Variants in PHLDB2 observed in about 807,000 individuals in gnomAD.
The protein encoded by PHLDB2 is pleckstrin homology-like domain family B member 2.
In PHLDB2, 71 loss-of-function variants were observed where a neutral mutation model predicts 123.6. The observed-to-expected ratio is 0.57, with a 90% confidence interval of 0.47 to 0.70. The LOEUF (loss-of-function observed/expected upper bound fraction) is 0.70, where lower values mean the gene tolerates loss of function less well. Among genes scored for constraint, PHLDB2 ranks in the 30% least tolerant of loss-of-function variants. The pLI is 0.00. For synonymous variants in PHLDB2, 547 were observed against 541.6 expected, an observed-to-expected ratio of 1.01 and a Z score of -0.14; for missense variants, 1,446 against 1,519.5, an observed-to-expected ratio of 0.95 and a Z score of 0.80.
intron 1 of PHLDB2, among the ~76,000 whole-genome samples, chr3:111,782,151 G>A (rs6778818): frequency 0.27 from 40,685 of 151,958 alleles, 6,898 homozygotes; most frequent in African/African-American, 0.48. Flanking sequence ...TTCATTATTT[G>A]CATCCAAATG....
chr3:111,869,464 G>GA (rs368724303), intron 1 of PHLDB2, among the ~76,000 whole-genome samples: 489 of 5,496 alleles, frequency 0.089, 6 homozygotes, highest in Admixed American at 0.13. Flanking sequence ...TCAAAAAAAA[G>GA]AAAAAAAAAA....
At chr3:111,871,526 T>C (rs1393614567) in intron 1 of PHLDB2, among the ~76,000 whole-genome samples, 2 of 150,668 alleles carry the variant, frequency 1.3e-5, no homozygotes, top group African/African-American at 4.9e-5. Context: ...TGGTGGCCCA[T>C]GCCTGTAGTC....
Position 111,974,597 on chromosome 3 carries a change from G to T in PHLDB2, c.*34G>T. 6.4e-7 allele frequency: 1 copy of T among 1,555,772 alleles called. No homozygotes were observed. Among genetic ancestry groups the T allele is most frequent in the South Asian group, 1.2e-5 (1 of 82,254 alleles). The stretch of plus-strand genomic sequence containing the variant: ...GGCAACAGTCCACTTCAGGGCAGAC[G>T]GCAATAATCTCTTACAAGAATGAAG... On this transcript the variant is annotated 3_prime_UTR_variant, in exon 18 of 18. Transcript: ENST00000431670.
chr3:111,955,010 A>T (rs1339617271), intron 12 of PHLDB2, among the ~76,000 whole-genome samples: 2 of 152,006 alleles, frequency 1.3e-5, no homozygotes, highest in Non-Finnish European at 2.9e-5. Flanking sequence ...GAGAGATAAC[A>T]CTGGTTTTCC....
chr3:111,961,893 T>G, intron 12 of PHLDB2: 1 of 539,148 alleles, frequency 1.9e-6, no homozygotes, highest in Non-Finnish European at 3.2e-6. Flanking sequence ...GTGATCCTGC[T>G]GAGGGGTAAG....
chr3:111,849,003 G>C (rs913094540), intron 2 of PHLDB2, among the ~76,000 whole-genome samples: 2 of 152,260 alleles, frequency 1.3e-5, no homozygotes, highest in East Asian at 3.9e-4. Context: ...ACCTAACAAT[G>C]CATTTCTCAG....
chr3:111,880,078 C>T (rs2065862389), intron 1 of PHLDB2, among the ~76,000 whole-genome samples: 1 of 145,102 alleles, frequency 6.9e-6, no homozygotes, highest in Admixed American at 7.2e-5. Flanking sequence ...TCATTTACAA[C>T]ATCTGGACAC....
At position 111,859,415 on chromosome 3, in the gene PHLDB2, C is replaced by A; in HGVS notation, c.-176C>A. ...TCGTTGCTCGAACTCCCTGGGTGCC[C>A]GCCGCGGTGGTTACAAAGGGGGTCA... On this transcript the variant is annotated 5_prime_UTR_variant, in exon 1 of 18. Transcript: ENST00000431670. 19 of 985,608 alleles carry A rather than the reference C, an allele frequency of 1.9e-5. No homozygotes were observed. The highest frequency in any genetic ancestry group is 2.3e-5 in the Non-Finnish European group (19 of 830,082). 61.1% of individuals were successfully genotyped at this position (985,608 alleles called of 1,614,324 possible).
At chr3:111,841,446 G>A (rs566088852) in intron 1 of PHLDB2, among the ~76,000 whole-genome samples, 25 of 152,294 alleles carry the variant, frequency 1.6e-4, no homozygotes, top group African/African-American at 6.0e-4. Flanking sequence ...TATTATGTGA[G>A]GAAAGGTGGA....
At position 111,913,511 on chromosome 3, in the gene PHLDB2, C is replaced by A. The variant is rs766806891; in HGVS notation, c.1528C>A (p.Arg510=). 2 of 1,613,930 alleles carry A rather than the reference C, an allele frequency of 1.2e-6. No individual in the cohort carries two copies. Among genetic ancestry groups the A allele is most frequent in the Non-Finnish European group, 1.7e-6 (2 of 1,179,980 alleles). ...CCCTGACACAAGATACAGGTGCCAC[C>A]GGAAAGACTCCCTCCCTGATGCAGA... ...MSPDTRYRCH[R]KDSLPDADLA... Residue 510 remains arginine (R), a synonymous_variant, in exon 3 of 18, where the codon CGG becomes AGG. Coordinates refer to ENST00000431670, the MANE Select transcript of PHLDB2 (RefSeq NM_001134438.2).
chr3:111,838,138 C>G (rs772666225), intron 1 of PHLDB2, among the ~76,000 whole-genome samples: 5 of 152,056 alleles, frequency 3.3e-5, no homozygotes, highest in Non-Finnish European at 5.9e-5. Context: ...GGGTAAGGTA[C>G]CTGTAATTTT....
At chr3:111,894,995 AT>A (rs1257865470) in intron 2 of PHLDB2, among the ~76,000 whole-genome samples, 1 of 151,860 alleles carries the variant, frequency 6.6e-6, no homozygotes, top group Admixed American at 6.6e-5. Flanking sequence ...TTGATTAAAT[AT>A]TAAAGGAATT....
intron 1 of PHLDB2, chr3:111,779,949 AT>A (rs1389750041): frequency 1.1e-5 from 9 of 841,942 alleles, no homozygotes; most frequent in Non-Finnish European, 1.1e-5. Flanking sequence ...ACACATTCAG[AT>A]TTTTAGGAAG....
rs1017280623 is a variant in PHLDB2 at position 111,975,462 on chromosome 3, G to A, written c.*899G>A. Reference sequence around the variant, plus strand: ...ACCAGTAGCCAATGTCCTTTAGATTGTCTGATTTCTTTTTGTTGTGGAGCA... The same window carrying A: ...ACCAGTAGCCAATGTCCTTTAGATTATCTGATTTCTTTTTGTTGTGGAGCA... On this transcript the variant is annotated 3_prime_UTR_variant, in exon 18 of 18. Transcript: ENST00000431670. 6.6e-6 allele frequency: 1 copy of A among 152,158 alleles called. No individual in the cohort carries two copies. Among genetic ancestry groups the A allele is most frequent in the African/African-American group, 2.4e-5 (1 of 41,450 alleles). 9.4% of individuals were successfully genotyped at this position (152,158 alleles called of 1,614,324 possible). A position where few individuals can be genotyped will look rare whatever the true frequency, so the allele number is the denominator to read the frequency against.
intron 1 of PHLDB2, among the ~76,000 whole-genome samples, chr3:111,823,565 C>T (rs1274472130): frequency 6.6e-6 from 1 of 152,146 alleles, no homozygotes; most frequent in Non-Finnish European, 1.5e-5. Context: ...CTCACTAGCC[C>T]TTAGGTTTCT....
At chr3:111,825,860 A>T (rs1341384307) in intron 1 of PHLDB2, among the ~76,000 whole-genome samples, 2 of 152,202 alleles carry the variant, frequency 1.3e-5, no homozygotes, top group Non-Finnish European at 2.9e-5. Context: ...AGAGCTAGAA[A>T]AGAAAAATAA....
chr3:111,852,283 C>G (rs2064290268), intron 2 of PHLDB2, among the ~76,000 whole-genome samples: 1 of 145,984 alleles, frequency 6.9e-6, no homozygotes, highest in South Asian at 2.1e-4. Context: ...CTCTCTCTCG[C>G]TCTCTCTCTC....
At chr3:111,932,453 T>C in intron 6 of PHLDB2, 56 bp downstream of exon 6, 2 of 1,514,164 alleles carry the variant, frequency 1.3e-6, no homozygotes, top group Non-Finnish European at 1.8e-6. Flanking sequence ...TGTTTTTCAC[T>C]TAAGTGCCAC....
chr3:111,832,114 A>G (rs752308833), intron 1 of PHLDB2, among the ~76,000 whole-genome samples: 5 of 152,152 alleles, frequency 3.3e-5, no homozygotes, highest in Non-Finnish European at 5.9e-5. Context: ...AAGAACCACA[A>G]CCTGGAAAGC....
Sources: allele counts gnomAD v4.1 joint callset (sites outside exome capture counted in the v4.1 genomes callset), GRCh38; gene constraint gnomAD v4.1.1; transcripts MANE v1.5; gene names NCBI Gene and HGNC (gene_info 2026-07-23, HGNC 2026-07-21).